The following DCC variants were observed in gnomAD, a reference collection of about 807,000 sequenced individuals.
DCC encodes the protein netrin receptor DCC.
DCC carries 58 observed loss-of-function variants against 172.5 expected under a neutral mutation model. The ratio of observed to expected loss-of-function variants is 0.34; its 90% CI spans 0.27 to 0.42. DCC has a LOEUF of 0.42. Ranked by LOEUF, DCC falls within the 10% of genes least tolerant of loss-of-function variation. DCC has a pLI of 1.00. For synonymous variants in DCC, 709 were observed against 644.5 expected, an observed-to-expected ratio of 1.10 and a Z score of -1.52; for missense variants, 1,740 against 1,791.0, an observed-to-expected ratio of 0.97 and a Z score of 0.51.
At chr18:52,404,852 C>T (rs899573017) in intron 1 of DCC, among the ~76,000 whole-genome samples, 3 of 142,678 alleles carry the variant, frequency 2.1e-5, no homozygotes, top group East Asian at 2.2e-4. Context: ...GTGATATTCC[C>T]CTTCCTGTGT....
Position 53,221,609 on chromosome 18 carries a change from A to T in DCC, c.1911+6012A>T, listed in dbSNP as rs149199642. ...TAGTTTGGGAAGATGAGTTCTACCC[A>T]ATTACAGAATCCCTGGCAACGACTA... On this transcript the variant is annotated intron_variant, in intron 12 of 28. Coordinates refer to ENST00000442544, the MANE Select transcript of DCC (RefSeq NM_005215.4). 1.4e-3 allele frequency among the ~76,000 whole-genome samples: 214 copies of T among 152,252 alleles called. 1 individual carries two copies. The highest frequency in any genetic ancestry group is 4.8e-3 in the African/African-American group (201 of 41,568).
rs528388223 is a variant in DCC at position 52,724,616 on chromosome 18, A to G, written c.92-27438A>G. On this transcript the variant is annotated intron_variant, in intron 1 of 28. Coordinates refer to ENST00000442544, the MANE Select transcript of DCC (RefSeq NM_005215.4). ...TGAAATCTTCCTAAGATTTACCAAC[A>G]GACCAGCATGATCAGTACATCCTGG... Among the ~76,000 whole-genome samples, 6 of 152,320 alleles carry G rather than the reference A, an allele frequency of 3.9e-5. No individual in the cohort carries two copies. In the South Asian group the frequency reaches 1.2e-3, roughly 32 times the overall value.
intron 1 of DCC, among the ~76,000 whole-genome samples, chr18:52,585,799 G>T (rs1281371799): frequency 6.6e-6 from 1 of 152,064 alleles, no homozygotes; most frequent in Non-Finnish European, 1.5e-5. Flanking sequence ...TACCAACACT[G>T]TCGGCCGGGC....
chr18:53,220,086 C>T (rs76924245), intron 12 of DCC, among the ~76,000 whole-genome samples: 3,861 of 152,042 alleles, frequency 0.025, 174 homozygotes, highest in African/African-American at 0.088. Flanking sequence ...GAGTCATTTG[C>T]ATATGACTCC....
At chr18:53,101,455 G>A (rs541880623) in intron 7 of DCC, among the ~76,000 whole-genome samples, 19 of 152,146 alleles carry the variant, frequency 1.2e-4, no homozygotes, top group Non-Finnish European at 2.2e-4. Context: ...TTTAACAGCG[G>A]TGCTAACCCA....
At chr18:52,993,254 C>T (rs1014733293) in intron 5 of DCC, among the ~76,000 whole-genome samples, 6 of 152,116 alleles carry the variant, frequency 3.9e-5, no homozygotes, top group Non-Finnish European at 8.8e-5. Flanking sequence ...AAGAAAAGTT[C>T]TTAACTGGTT....
At chr18:52,554,953 A>G (rs775489590) in intron 1 of DCC, among the ~76,000 whole-genome samples, 6 of 152,096 alleles carry the variant, frequency 3.9e-5, no homozygotes, top group Non-Finnish European at 5.9e-5. Context: ...TGAATGAAAG[A>G]TAAAAGATAG....
intron 12 of DCC, among the ~76,000 whole-genome samples, chr18:53,269,671 A>T (rs750117639): frequency 6.6e-6 from 1 of 152,158 alleles, no homozygotes; most frequent in Non-Finnish European, 1.5e-5. Flanking sequence ...TGATAGCTCC[A>T]TGTGGTCAAG....
chr18:52,663,837 G>T (rs1036105321), intron 1 of DCC, among the ~76,000 whole-genome samples: 1 of 151,904 alleles, frequency 6.6e-6, no homozygotes, highest in Admixed American at 6.5e-5. Flanking sequence ...GTTGAGAGTG[G>T]TCACTCCTAA....
intron 2 of DCC, among the ~76,000 whole-genome samples, chr18:52,879,039 T>TA (rs34701403): frequency 0.03 from 4,529 of 152,268 alleles, 97 homozygotes; most frequent in Middle Eastern, 0.051. Context: ...GGAAGTGTAC[T>TA]AAAAAGACTC....
intron 2 of DCC, among the ~76,000 whole-genome samples, chr18:52,769,508 C>T (rs1367174880): frequency 6.6e-6 from 1 of 152,046 alleles, no homozygotes; most frequent in Non-Finnish European, 1.5e-5. Context: ...AATATTTTCT[C>T]CTGTTCTGGA....
At chr18:53,359,426 A>G (rs1249955120) in intron 15 of DCC, among the ~76,000 whole-genome samples, 1 of 152,004 alleles carries the variant, frequency 6.6e-6, no homozygotes, top group Non-Finnish European at 1.5e-5. Context: ...CTCATTTTTC[A>G]CATATCTATT....
rs1431733 is a variant in DCC at position 52,813,132 on chromosome 18, G to A, written c.412+60758G>A. Among the ~76,000 whole-genome samples, 683 of 150,420 alleles carry A rather than the reference G, an allele frequency of 4.5e-3. 4 individuals are homozygous for A. The highest frequency in any genetic ancestry group is 0.016 in the African/African-American group (634 of 40,882). ...GTTCTGAAATAAAGTTGAACTTAAT[G>A]ATCCCTAATGATCTTTCTCTATAAA... On this transcript the variant is annotated intron_variant, in intron 2 of 28. Transcript: ENST00000442544.
At chr18:53,276,036 A>C (rs2056802690) in intron 12 of DCC, among the ~76,000 whole-genome samples, 1 of 152,176 alleles carries the variant, frequency 6.6e-6, no homozygotes, top group Admixed American at 6.6e-5. Context: ...TAATGACAGA[A>C]TGAGGAAAAT....
At position 53,322,045 on chromosome 18, in the gene DCC, A is replaced by G. The variant is rs1382150776; in HGVS notation, c.2054-2A>G. 1.3e-6 allele frequency: 2 copies of G among 1,567,076 alleles called. No homozygotes were observed. The highest frequency in any genetic ancestry group is 1.4e-5 in the African/African-American group (1 of 74,038). ...TCCCCCCTGTGGAAAATTCTTTCATAGGACTGGAGAAAGGAAGTCAGTACA... is the reference window on the plus strand; with the variant it reads ...TCCCCCCTGTGGAAAATTCTTTCATGGGACTGGAGAAAGGAAGTCAGTACA... On this transcript the variant is annotated splice_acceptor_variant, in intron 13 of 28. Coordinates refer to ENST00000442544, the MANE Select transcript of DCC (RefSeq NM_005215.4). LOFTEE classifies it high-confidence loss of function.
At chr18:53,073,361 TA>T (rs2042681158) in intron 7 of DCC, among the ~76,000 whole-genome samples, 2 of 152,008 alleles carry the variant, frequency 1.3e-5, no homozygotes, top group Admixed American at 6.6e-5. Flanking sequence ...TCATCTCTAC[TA>T]AAAATACAAA....
chr18:53,401,071 CCTCT>C (rs887729283), intron 18 of DCC, among the ~76,000 whole-genome samples: 5 of 152,256 alleles, frequency 3.3e-5, no homozygotes, highest in Non-Finnish European at 4.4e-5. Flanking sequence ...TCCTGAATGA[CCTCT>C]CTGTGAGAAT....
At chr18:52,660,095 T>A (rs1261797383) in intron 1 of DCC, among the ~76,000 whole-genome samples, 1 of 152,140 alleles carries the variant, frequency 6.6e-6, no homozygotes, top group African/African-American at 2.4e-5. Flanking sequence ...TTCTCTAGAT[T>A]CTCACTTCAA....
At chr18:52,348,568 T>C (rs1324537251) in intron 1 of DCC, among the ~76,000 whole-genome samples, 1 of 152,236 alleles carries the variant, frequency 6.6e-6, no homozygotes, top group African/African-American at 2.4e-5. Context: ...TTTCCATTAA[T>C]TTGTTAGCTA....
Sources: allele counts gnomAD v4.1 joint callset (sites outside exome capture counted in the v4.1 genomes callset), GRCh38; gene constraint gnomAD v4.1.1; transcripts MANE v1.5; gene names NCBI Gene and HGNC (gene_info 2026-07-23, HGNC 2026-07-21).